Variants in ARHGEF3 observed in about 807,000 individuals in gnomAD.
ARHGEF3 encodes the protein Rho guanine nucleotide exchange factor 3, also known as 59.8 kDA protein.
Under a neutral mutation model 63.2 loss-of-function variants are expected in ARHGEF3, and 28 were observed. That is an observed-to-expected ratio of 0.44 (90% CI 0.33 to 0.61). The LOEUF (loss-of-function observed/expected upper bound fraction) is 0.61, where lower values mean the gene tolerates loss of function less well. Ranked by LOEUF, ARHGEF3 falls within the 20% of genes least tolerant of loss-of-function variation. ARHGEF3 has a pLI of 0.03. For synonymous variants in ARHGEF3, 266 were observed against 254.2 expected (o/e 1.05, Z -0.44); for missense variants, 533 against 659.3 (o/e 0.81, Z 2.10).
At chr3:56,743,671 C>A (rs1299773707) in intron 7 of ARHGEF3, among the ~76,000 whole-genome samples, 2 of 152,098 alleles carry the variant, frequency 1.3e-5, no homozygotes, top group African/African-American at 4.8e-5. Context: ...ATTATTAAAC[C>A]CCTATCTGGG....
Position 57,042,989 on chromosome 3 carries a change from G to A in ARHGEF3, c.-27-7813C>T, listed in dbSNP as rs1269113149. 2.6e-5 allele frequency among the ~76,000 whole-genome samples: 4 copies of A among 151,202 alleles called. 1 individual carries two copies. The highest frequency in any genetic ancestry group is 4.2e-4 in the South Asian group (2 of 4,774). On this transcript the variant is annotated intron_variant, in intron 1 of 12. Coordinates refer to the ARHGEF3 transcript ENST00000338458. ...TGGGATTACAGGCATGAGCCACCGCGCCCAGCCCATAAATATATTTTTTAA... is the reference window on the plus strand; with the variant it reads ...TGGGATTACAGGCATGAGCCACCGCACCCAGCCCATAAATATATTTTTTAA...
In ARHGEF3 at chr3:56,728,042, C is replaced by CT. The variant is rs1167810335; in HGVS notation, c.*1227dup. The CT allele has an allele frequency of 6.6e-6, 1 of 152,600 alleles. No individual in the cohort carries two copies. 9.5% of individuals were successfully genotyped at this position (152,600 alleles called of 1,614,324 possible). On this transcript the variant is annotated 3_prime_UTR_variant, in exon 10 of 10. Coordinates refer to ENST00000296315, the MANE Select transcript of ARHGEF3 (RefSeq NM_019555.3). ...TTAATATTTACACTTGCAGGGAGCT[C>CT]TTCTAGGTACTTAGCTGTTTTTAAG...
rs2034982191 is a variant in ARHGEF3, at chr3:56,755,025, A to G, written c.331T>C (p.Cys111Arg). ...SKLWSETFDVCVNQMLTSKEI... is the reference protein window; with the variant it reads ...SKLWSETFDVRVNQMLTSKEI... ...TTGGATGTAAGCATCTGATTGACGC[A>G]CACATCGAAGGTCTCACTCCACAGC... The change falls in exon 3 of 10, where the codon TGC (cysteine) becomes CGC (arginine). Residue 111 changes from cysteine to arginine, a missense_variant. Transcript: ENST00000296315. 1.9e-6 allele frequency: 3 copies of G among 1,613,994 alleles called. No individual in the cohort carries two copies. Among genetic ancestry groups the G allele is most frequent in the Non-Finnish European group, 2.5e-6 (3 of 1,180,040 alleles).
chr3:56,731,903 A>G, intron 9 of ARHGEF3: 1 of 499,594 alleles, frequency 2.0e-6, no homozygotes, highest in Non-Finnish European at 3.6e-6. Flanking sequence ...CCATGTAGGG[A>G]CTATCTGGTA....
intron 2 of ARHGEF3, among the ~76,000 whole-genome samples, chr3:56,963,591 C>A (rs185451641): frequency 6.6e-6 from 1 of 152,316 alleles, no homozygotes; most frequent in Admixed American, 6.5e-5. Context: ...GAATTCTTAA[C>A]CCAGAACATC....
intron 4 of ARHGEF3, among the ~76,000 whole-genome samples, chr3:56,852,674 C>T (rs1242937557): frequency 6.8e-6 from 1 of 147,618 alleles, no homozygotes. Context: ...AAAAACCTAC[C>T]GAATTGTCAC....
chr3:56,742,823 T>C (rs138957685), intron 7 of ARHGEF3, among the ~76,000 whole-genome samples: 1,649 of 152,348 alleles, frequency 0.011, 28 homozygotes, highest in African/African-American at 0.038. Flanking sequence ...TCATACTTTA[T>C]GCACTAGGAA....
At chr3:56,810,058 G>C (rs766356812) in intron 4 of ARHGEF3, among the ~76,000 whole-genome samples, 11 of 152,034 alleles carry the variant, frequency 7.2e-5, no homozygotes, top group Non-Finnish European at 1.6e-4. Flanking sequence ...ATTCCCCTCA[G>C]ACTACAACTA....
At chr3:56,940,281 C>A (rs1343267507) in intron 3 of ARHGEF3, 1 of 152,162 alleles carries the variant, frequency 6.6e-6, no homozygotes, top group Non-Finnish European at 1.5e-5. Context: ...TCACTTGCAA[C>A]TAGGATTTTG....
intron 2 of ARHGEF3, among the ~76,000 whole-genome samples, chr3:57,004,038 G>A (rs1478804690): frequency 2.0e-5 from 3 of 152,224 alleles, no homozygotes; most frequent in Non-Finnish European, 4.4e-5. Context: ...CCTGACCCCA[G>A]TCCTTGCCCT....
intron 2 of ARHGEF3, among the ~76,000 whole-genome samples, chr3:56,993,437 C>T (rs766180530): frequency 2.1e-4 from 32 of 151,994 alleles, no homozygotes; most frequent in African/African-American, 3.1e-4. Context: ...TACAGTAGTG[C>T]GATCTTGGCT....
intron 3 of ARHGEF3, among the ~76,000 whole-genome samples, chr3:56,948,122 T>C (rs1362808720): frequency 1.3e-5 from 2 of 151,710 alleles, no homozygotes; most frequent in Admixed American, 6.6e-5. Flanking sequence ...GGGACACATT[T>C]AAAGCAGTGT....
chr3:57,077,730 C>T (rs1298771893), intron 1 of ARHGEF3, among the ~76,000 whole-genome samples: 1 of 152,156 alleles, frequency 6.6e-6, no homozygotes, highest in Non-Finnish European at 1.5e-5. Context: ...CCACCCTCCC[C>T]CCAACCAAGA....
intron 2 of ARHGEF3, among the ~76,000 whole-genome samples, chr3:56,971,098 C>A (rs1700889661): frequency 1.3e-5 from 2 of 152,200 alleles, no homozygotes; most frequent in South Asian, 4.1e-4. Flanking sequence ...GCACTCCTTG[C>A]AGCTAATAGG....
At chr3:56,742,014 C>G (rs1243762304) in intron 7 of ARHGEF3, among the ~76,000 whole-genome samples, 1 of 152,164 alleles carries the variant, frequency 6.6e-6, no homozygotes, top group African/African-American at 2.4e-5. Flanking sequence ...AGATTAAGCT[C>G]ACATGTGCTG....
At position 57,070,984 on chromosome 3, in the gene ARHGEF3, A is replaced by AAAAG. The variant is rs199600467; in HGVS notation, c.-28+8238_-28+8241dup. ...AAGACTCTGTCACAAAAAAAAAAAAAAAAGAAAGAAAGAAAGAAAAAAGAA... is the reference window on the plus strand; with the variant it reads ...AAGACTCTGTCACAAAAAAAAAAAAAAAAGAAAGAAAGAAAGAAAGAAAAAAGAA... On this transcript the variant is annotated intron_variant, in intron 1 of 12. Coordinates refer to the ARHGEF3 transcript ENST00000338458. Among the ~76,000 whole-genome samples, 5 of 148,068 alleles carry AAAAG rather than the reference A, an allele frequency of 3.4e-5. No individual in the cohort carries two copies. The South Asian group carries it at 6.3e-4, about 19-fold the overall frequency.
At chr3:57,056,108 C>A (rs1704919966) in intron 1 of ARHGEF3, among the ~76,000 whole-genome samples, 2 of 151,998 alleles carry the variant, frequency 1.3e-5, no homozygotes, top group African/African-American at 4.8e-5. Context: ...GGAGCAGAGG[C>A]CGGGTGCGGT....
intron 1 of ARHGEF3, among the ~76,000 whole-genome samples, chr3:57,069,371 T>TCTCAAACACACA (rs1705748485): frequency 2.7e-5 from 3 of 111,816 alleles, no homozygotes; most frequent in Non-Finnish European, 5.5e-5. Flanking sequence ...AATCTCTGTC[T>TCTCAAACACACA]CTCAAACACA....
At chr3:56,902,374 A>G (rs2041539326) in intron 3 of ARHGEF3, among the ~76,000 whole-genome samples, 1 of 152,224 alleles carries the variant, frequency 6.6e-6, no homozygotes, top group South Asian at 2.1e-4. Flanking sequence ...ATTTTTAAAA[A>G]AGAAAAGAAA....
Sources: gnomAD v4.1 joint callset for allele counts (sites outside exome capture counted in the v4.1 genomes callset) on GRCh38, gnomAD v4.1.1 for gene constraint, MANE v1.5 for transcripts, NCBI Gene and HGNC (gene_info 2026-07-23, HGNC 2026-07-21) for gene names.